Variants in CHRNB3 observed in about 807,000 individuals in gnomAD.
The protein encoded by CHRNB3 is neuronal acetylcholine receptor subunit beta-3.
CHRNB3 carries 37 observed loss-of-function variants against 40.6 expected under a neutral mutation model. The ratio of observed to expected loss-of-function variants is 0.91; its 90% CI spans 0.70 to 1.20. CHRNB3 has a LOEUF of 1.20. Ranked by LOEUF, CHRNB3 falls within the 50% of genes most tolerant of loss-of-function variation. CHRNB3 has a pLI of 0.00. For synonymous variants in CHRNB3, 207 were observed against 207.1 expected, an observed-to-expected ratio of 1.00 and a Z score of 0.00; for missense variants, 505 against 551.2, an observed-to-expected ratio of 0.92 and a Z score of 0.84.
At chr8:42,717,346 CCT>C (rs1398880519) in intron 3 of CHRNB3, among the ~76,000 whole-genome samples, 3 of 87,188 alleles carry the variant, frequency 3.4e-5, no homozygotes, top group African/African-American at 1.4e-4. Flanking sequence ...TGCACTCCAG[CCT>C]GGGTGACAGA....
At chr8:42,716,630 A>G (rs529136413) in intron 3 of CHRNB3, among the ~76,000 whole-genome samples, 85 of 152,232 alleles carry the variant, frequency 5.6e-4, no homozygotes, top group African/African-American at 2.0e-3. Flanking sequence ...GGTAACTTCC[A>G]GGTCATTGCC....
chr8:42,735,583 T>C (rs998057445), intron 5 of CHRNB3, among the ~76,000 whole-genome samples: 1 of 151,856 alleles, frequency 6.6e-6, no homozygotes, highest in African/African-American at 2.4e-5. Context: ...CAAAGATTTC[T>C]TTTTTTTCCC....
rs1220075478 is a variant in CHRNB3, at chr8:42,730,635, T to C, written c.291T>C (p.Tyr97=). Residue 97 remains tyrosine (Y), a synonymous_variant, in exon 4 of 6, where the codon TAT becomes TAC. Coordinates refer to ENST00000289957, the MANE Select transcript of CHRNB3 (RefSeq NM_000749.5). The stretch of plus-strand genomic sequence containing the variant: ...AGTTACGCTGGAATCCTGATGATTA[T>C]GGTGGGATCCATTCCATTAAAGTTC... ...DHKLRWNPDD[Y]GGIHSIKVPS... 17 of 1,609,352 alleles carry C rather than the reference T, an allele frequency of 1.1e-5. No individual in the cohort carries two copies. The highest frequency in any genetic ancestry group is 1.4e-5 in the Non-Finnish European group (17 of 1,177,192).
At chr8:42,706,689 G>GTGGCTGCCCAGC (rs1469236203) in intron 1 of CHRNB3, among the ~76,000 whole-genome samples, 1 of 152,124 alleles carries the variant, frequency 6.6e-6, no homozygotes, top group Non-Finnish European at 1.5e-5. Flanking sequence ...TGACACCCTG[G>GTGGCTGCCCAGC]TGGCTGCCCA....
In CHRNB3 at chr8:42,707,037, G is replaced by T. The variant is rs1279106446; in HGVS notation, c.53-1680G>T. On this transcript the variant is annotated intron_variant, in intron 1 of 5. Transcript: ENST00000289957. Reference sequence around the variant, plus strand: ...GCCTCCCAAAGTGCTAGGATTACAGGTGTGAGCCACCATGCCTGGCCCACA... The same window carrying T: ...GCCTCCCAAAGTGCTAGGATTACAGTTGTGAGCCACCATGCCTGGCCCACA... 2.0e-5 allele frequency among the ~76,000 whole-genome samples: 3 copies of T among 152,210 alleles called. No individual in the cohort carries two copies. In the East Asian group the frequency reaches 5.8e-4, roughly 29 times the overall value.
At chr8:42,711,403 A>G (rs1364515436) in intron 3 of CHRNB3, among the ~76,000 whole-genome samples, 1 of 151,412 alleles carries the variant, frequency 6.6e-6, no homozygotes, top group Admixed American at 6.6e-5. Flanking sequence ...ATTCATTTAC[A>G]TATTTATCTG....
rs1217250204 is a variant in CHRNB3, at chr8:42,697,416, A to C, written c.-131A>C. The C allele has an allele frequency of 7.1e-6, 5 of 708,568 alleles. No homozygotes were observed. Among genetic ancestry groups the C allele is most frequent in the Admixed American group, 6.2e-5 (3 of 48,492 alleles). The allele number at this position is 708,568 out of a possible 1,614,324, so 43.9% of individuals were successfully genotyped here. ...GGTTGAGATTGTTTTATTCCACTCC[A>C]GGTGTTGCTGTCCTCTTGGGTTCCA... On this transcript the variant is annotated 5_prime_UTR_variant, in exon 1 of 6. Transcript: ENST00000289957.
At position 42,736,559 on chromosome 8, in the gene CHRNB3, A is replaced by G. The variant is rs745393244; in HGVS notation, c.1318A>G (p.Thr440Ala). 1 of 1,614,178 alleles carries G rather than the reference A, an allele frequency of 6.2e-7. No individual in the cohort carries two copies. Among genetic ancestry groups the G allele is most frequent in the Non-Finnish European group, 8.5e-7 (1 of 1,180,024 alleles). ...FLWLFLIVSV[T>A]GSVLIFTPAL... ...GTGGCTCTTTCTGATAGTGTCAGTA[A>G]CAGGCTCGGTTCTGATTTTTACCCC... Residue 440 changes from threonine to alanine, a missense_variant, in exon 6 of 6, where the codon ACA (threonine) becomes GCA (alanine). Thr to Ala is a moderately conservative substitution (Grantham distance 58). Coordinates refer to ENST00000289957, the MANE Select transcript of CHRNB3 (RefSeq NM_000749.5).
intron 2 of CHRNB3, among the ~76,000 whole-genome samples, chr8:42,709,234 G>C (rs1430998359): frequency 6.6e-6 from 1 of 152,138 alleles, no homozygotes; most frequent in East Asian, 1.9e-4. Flanking sequence ...CCCTGGCTGT[G>C]CCCTGGGCTG....
At chr8:42,719,261 G>C (rs1816178014) in intron 3 of CHRNB3, among the ~76,000 whole-genome samples, 1 of 152,160 alleles carries the variant, frequency 6.6e-6, no homozygotes, top group Non-Finnish European at 1.5e-5. Context: ...TCTGCCACTT[G>C]CAAATGTCCT....
intron 3 of CHRNB3, among the ~76,000 whole-genome samples, chr8:42,718,713 G>A (rs1279236320): frequency 6.7e-6 from 1 of 148,856 alleles, no homozygotes; most frequent in Non-Finnish European, 1.5e-5. Flanking sequence ...ATAATTCGGG[G>A]ACTTTTTTTA....
chr8:42,701,840 T>A (rs2128904197), intron 1 of CHRNB3, among the ~76,000 whole-genome samples: 1 of 152,274 alleles, frequency 6.6e-6, no homozygotes, highest in South Asian at 2.1e-4. Context: ...AGCAAATATC[T>A]GGGGTTAATA....
intron 5 of CHRNB3, among the ~76,000 whole-genome samples, chr8:42,734,961 C>G (rs1816495621): frequency 6.6e-6 from 1 of 152,070 alleles, no homozygotes; most frequent in Non-Finnish European, 1.5e-5. Flanking sequence ...TAGCTCACGC[C>G]TGTAATCCCA....
At chr8:42,735,444 A>C (rs1337541667) in intron 5 of CHRNB3, among the ~76,000 whole-genome samples, 1 of 152,160 alleles carries the variant, frequency 6.6e-6, no homozygotes, top group Non-Finnish European at 1.5e-5. Context: ...AGGCTGAGGC[A>C]GGAGAACCAC....
Position 42,727,756 on chromosome 8 carries a change from G to A in CHRNB3, c.250-2838G>A, listed in dbSNP as rs536184117. On this transcript the variant is annotated intron_variant, in intron 3 of 5. Transcript: ENST00000289957. Reference sequence around the variant, plus strand: ...TGTGCACCTGTAGTCTCAGCTACTCGGGAGCCTGAGCCAGGGGAATCGCTT... The same window carrying A: ...TGTGCACCTGTAGTCTCAGCTACTCAGGAGCCTGAGCCAGGGGAATCGCTT... Among the ~76,000 whole-genome samples the A allele has an allele frequency of 1.9e-3, 286 of 152,150 alleles. 4 individuals are homozygous for A. The highest frequency in any genetic ancestry group is 6.4e-3 in the African/African-American group (267 of 41,488).
At chr8:42,700,105 C>T (rs1368869860) in intron 1 of CHRNB3, among the ~76,000 whole-genome samples, 1 of 151,220 alleles carries the variant, frequency 6.6e-6, no homozygotes, top group Non-Finnish European at 1.5e-5. Context: ...GCTCCGCCTC[C>T]CGGGTTCACG....
Position 42,736,727 on chromosome 8 carries a change from T to G in CHRNB3, c.*109T>G. On this transcript the variant is annotated 3_prime_UTR_variant, in exon 6 of 6. Transcript: ENST00000289957. ...TTCTACGAACCCCGAATGCGTTGTCTTTGTGGAAATGGAACATCTCCTCAT... is the reference window on the plus strand; with the variant it reads ...TTCTACGAACCCCGAATGCGTTGTCGTTGTGGAAATGGAACATCTCCTCAT... 1 of 1,309,288 alleles carries G rather than the reference T, an allele frequency of 7.6e-7. No homozygotes were observed. Among genetic ancestry groups the G allele is most frequent in the Non-Finnish European group, 1.1e-6 (1 of 928,532 alleles). The allele number at this position is 1,309,288 out of a possible 1,614,324, so 81.1% of individuals were successfully genotyped here.
chr8:42,732,514 T>C lies in CHRNB3; in HGVS notation c.1207T>C (p.Ser403Pro), dbSNP rs1246368362. Residue 403 changes from serine to proline, a missense_variant, in exon 5 of 6, where the codon TCG (serine) becomes CCG (proline). Physicochemically the swap from Ser to Pro is moderately conservative, Grantham distance 74. Coordinates refer to ENST00000289957, the MANE Select transcript of CHRNB3 (RefSeq NM_000749.5). The stretch of plus-strand genomic sequence containing the variant: ...AGCTGCTGATTCCATTAGATACATT[T>C]CGAGACATGTGAAGAAAGAACATTT... ...EKAADSIRYISRHVKKEHFIS... is the reference protein window; with the variant it reads ...EKAADSIRYIPRHVKKEHFIS... 16 of 1,605,346 alleles carry C rather than the reference T, an allele frequency of 1.0e-5. No individual in the cohort carries two copies. The highest frequency in any genetic ancestry group is 1.3e-5 in the Non-Finnish European group (15 of 1,177,582).
At chr8:42,733,369 G>A (rs1816462205) in intron 5 of CHRNB3, among the ~76,000 whole-genome samples, 1 of 151,952 alleles carries the variant, frequency 6.6e-6, no homozygotes, top group African/African-American at 2.4e-5. Flanking sequence ...ATTTCAGACT[G>A]AAAACAGTCC....
Sources: allele counts gnomAD v4.1 joint callset (sites outside exome capture counted in the v4.1 genomes callset), GRCh38; gene constraint gnomAD v4.1.1; transcripts MANE v1.5; gene names NCBI Gene and HGNC (gene_info 2026-07-23, HGNC 2026-07-21).